RALGPS1: variants seen among roughly 807,000 people sequenced by gnomAD.
The protein encoded by RALGPS1 is ras-specific guanine nucleotide-releasing factor RalGPS1.
Under a neutral mutation model 78.8 loss-of-function variants are expected in RALGPS1, and 19 were observed. The ratio of observed to expected loss-of-function variants is 0.24; its 90% CI spans 0.17 to 0.35. The LOEUF (loss-of-function observed/expected upper bound fraction) is 0.35, where lower values mean the gene tolerates loss of function less well. Among genes scored for constraint, RALGPS1 ranks in the 10% least tolerant of loss-of-function variants. The pLI, the probability that RALGPS1 is intolerant of heterozygous loss-of-function variation, is 1.00. For synonymous variants in RALGPS1, 228 were observed against 256.3 expected, an observed-to-expected ratio of 0.89 and a Z score of 1.06; for missense variants, 454 against 688.3, an observed-to-expected ratio of 0.66 and a Z score of 3.81.
intron 8 of RALGPS1, among the ~76,000 whole-genome samples, chr9:127,164,375 A>G (rs2139554225): frequency 6.6e-6 from 1 of 151,344 alleles, no homozygotes; most frequent in South Asian, 2.1e-4. Context: ...AGCTGGGATT[A>G]CAGGCGCCCA....
At chr9:127,120,481 G>C (rs907361787) in intron 8 of RALGPS1, among the ~76,000 whole-genome samples, 1 of 152,188 alleles carries the variant, frequency 6.6e-6, no homozygotes, top group African/African-American at 2.4e-5. Context: ...TCTCTGTCTC[G>C]TGGGATTTTC....
intron 7 of RALGPS1, among the ~76,000 whole-genome samples, chr9:127,057,707 A>C (rs1259277790): frequency 6.6e-6 from 1 of 152,256 alleles, no homozygotes; most frequent in Non-Finnish European, 1.5e-5. Context: ...TGATTTCCTG[A>C]GTACACATCA....
At chr9:127,108,337 G>A (rs369966758) in intron 8 of RALGPS1, 9 of 1,612,952 alleles carry the variant, frequency 5.6e-6, no homozygotes, top group African/African-American at 2.7e-5. Context: ...CGTGACCCGC[G>A]AGTTCATGTT....
At position 127,214,862 on chromosome 9, in the gene RALGPS1, G is replaced by A. The variant is rs2062483564; in HGVS notation, c.1644+20G>A. Reference sequence around the variant, plus strand: ...CCTCAGGTAAAGTCATCAAAATCCTGCTTGTCACCTGAAATATCCTCTCCC... The same window carrying A: ...CCTCAGGTAAAGTCATCAAAATCCTACTTGTCACCTGAAATATCCTCTCCC... On this transcript the variant is annotated intron_variant, in intron 18 of 18. Coordinates refer to ENST00000259351, the MANE Select transcript of RALGPS1 (RefSeq NM_014636.3). 1 of 1,612,866 alleles carries A rather than the reference G, an allele frequency of 6.2e-7. No homozygotes were observed. The highest frequency in any genetic ancestry group is 1.7e-5 in the Admixed American group (1 of 59,778).
intron 8 of RALGPS1, among the ~76,000 whole-genome samples, chr9:127,102,827 G>A (rs930977830): frequency 6.6e-6 from 1 of 152,216 alleles, no homozygotes; most frequent in Non-Finnish European, 1.5e-5. Context: ...GGATTATGTA[G>A]TTTGTACTGA....
chr9:127,195,281 G>A (rs1393876634), intron 12 of RALGPS1, 64 bp downstream of exon 12: 27 of 1,572,704 alleles, frequency 1.7e-5, no homozygotes, highest in Admixed American at 1.7e-5. Context: ...CCTGGGCACA[G>A]TGCAGGGAAT....
intron 8 of RALGPS1, among the ~76,000 whole-genome samples, chr9:127,149,597 C>T (rs1182717388): frequency 6.6e-6 from 1 of 152,370 alleles, no homozygotes; most frequent in East Asian, 1.9e-4. Flanking sequence ...GCCTACCCTC[C>T]AGGACTGGAT....
chr9:126,953,582 T>TA (rs1292255396), intron 1 of RALGPS1, among the ~76,000 whole-genome samples: 2 of 152,226 alleles, frequency 1.3e-5, no homozygotes, highest in Non-Finnish European at 2.9e-5. Flanking sequence ...CAGTTTAATT[T>TA]ATCTCTCTGA....
chr9:127,146,532 G>C (rs916865467), intron 8 of RALGPS1, among the ~76,000 whole-genome samples: 24 of 146,634 alleles, frequency 1.6e-4, no homozygotes, highest in African/African-American at 5.8e-4. Context: ...GAACATGTGA[G>C]TGCATGTGTC....
rs551730954 is a variant in RALGPS1 at position 127,125,492 on chromosome 9, A to G, written c.611-40577A>G. ...TCACTTGTAAAAAGGGGATGCTACT[A>G]CTCCCAGGGTTACTGTGAGGATTGA... is the stretch of plus-strand genomic sequence containing the variant. On this transcript the variant is annotated intron_variant, in intron 8 of 18. Transcript: ENST00000259351. 1.8e-4 allele frequency among the ~76,000 whole-genome samples: 28 copies of G among 152,032 alleles called. No individual in the cohort carries two copies. In the South Asian group the frequency reaches 2.1e-3, roughly 11 times the overall value.
At chr9:127,182,328 T>G (rs531997722) in intron 11 of RALGPS1, among the ~76,000 whole-genome samples, 4 of 148,824 alleles carry the variant, frequency 2.7e-5, no homozygotes, top group Admixed American at 2.0e-4. Flanking sequence ...CTTCCTTCCT[T>G]CCTGCCTTCC....
At chr9:127,154,752 C>T (rs982753646) in intron 8 of RALGPS1, among the ~76,000 whole-genome samples, 1 of 152,184 alleles carries the variant, frequency 6.6e-6, no homozygotes, top group Non-Finnish European at 1.5e-5. Context: ...ACAGTGTGGT[C>T]ACAGATACGC....
At chr9:126,931,588 G>A (rs1427699225) in intron 1 of RALGPS1, among the ~76,000 whole-genome samples, 4 of 152,132 alleles carry the variant, frequency 2.6e-5, no homozygotes, top group Admixed American at 2.0e-4. Context: ...GACACAGAAC[G>A]TAGATTCATA....
At chr9:126,999,501 C>T (rs1267283626) in intron 4 of RALGPS1, among the ~76,000 whole-genome samples, 1 of 152,186 alleles carries the variant, frequency 6.6e-6, no homozygotes. Context: ...TCTCTCTTAA[C>T]CCCTGGCACC....
chr9:127,128,732 G>C (rs1055183637), intron 8 of RALGPS1, among the ~76,000 whole-genome samples: 3 of 152,222 alleles, frequency 2.0e-5, no homozygotes, highest in Admixed American at 6.5e-5. Context: ...CATGCCGGGT[G>C]GGGGAACCAC....
intron 4 of RALGPS1, among the ~76,000 whole-genome samples, chr9:127,004,771 A>G (rs138785673): frequency 1.3e-5 from 2 of 152,362 alleles, no homozygotes; most frequent in South Asian, 2.1e-4. Context: ...TTAGCCTGCA[A>G]TGATAGGCTT....
At chr9:127,176,748 G>A (rs2139973483) in intron 11 of RALGPS1, among the ~76,000 whole-genome samples, 1 of 152,314 alleles carries the variant, frequency 6.6e-6, no homozygotes, top group Non-Finnish European at 1.5e-5. Context: ...CCTTCCTGCT[G>A]CCTGATTCCA....
At chr9:127,116,175 G>T (rs1187372261) in intron 8 of RALGPS1, among the ~76,000 whole-genome samples, 1 of 152,210 alleles carries the variant, frequency 6.6e-6, no homozygotes, top group Non-Finnish European at 1.5e-5. Context: ...AGCAGGGTAA[G>T]ACAGATTTGC....
intron 8 of RALGPS1, among the ~76,000 whole-genome samples, chr9:127,110,623 G>A (rs1416674061): frequency 6.6e-6 from 1 of 152,090 alleles, no homozygotes; most frequent in Non-Finnish European, 1.5e-5. Flanking sequence ...AACTCATCCA[G>A]AAATGAACTC....
Sources: allele counts gnomAD v4.1 joint callset (sites outside exome capture counted in the v4.1 genomes callset), GRCh38; gene constraint gnomAD v4.1.1; transcripts MANE v1.5; gene names NCBI Gene and HGNC (gene_info 2026-07-23, HGNC 2026-07-21).